Variants in FGF14 observed in about 807,000 individuals in gnomAD.
FGF14 encodes fibroblast growth factor 14.
Under a neutral mutation model 25.5 loss-of-function variants are expected in FGF14, and 5 were observed. That is an observed-to-expected ratio of 0.20 (90% CI 0.10 to 0.41). The LOEUF is 0.41. Among genes scored for constraint, FGF14 ranks in the 10% least tolerant of loss-of-function variants. FGF14 has a pLI of 1.00. For missense variants in FGF14, 222 were observed against 320.1 expected, an observed-to-expected ratio of 0.69 and a Z score of 2.34; for synonymous variants, 138 against 118.3, an observed-to-expected ratio of 1.17 and a Z score of -1.08.
chr13:102,125,174 C>T (rs1345451428), intron 1 of FGF14, among the ~76,000 whole-genome samples: 1 of 152,094 alleles, frequency 6.6e-6, no homozygotes. Flanking sequence ...CAACTTTTCC[C>T]ATATTGCATT....
chr13:102,119,059 CA>C (rs2045600142), intron 1 of FGF14, among the ~76,000 whole-genome samples: 1 of 152,130 alleles, frequency 6.6e-6, no homozygotes, highest in Admixed American at 6.6e-5. Flanking sequence ...ATCTTTATAA[CA>C]GGGGGATCTG....
At chr13:101,729,562 C>A (rs1366226815) in intron 3 of FGF14, among the ~76,000 whole-genome samples, 1 of 152,116 alleles carries the variant, frequency 6.6e-6, no homozygotes, top group Non-Finnish European at 1.5e-5. Flanking sequence ...CTTCAGTTTC[C>A]TCATCTCTAA....
At chr13:102,181,374 C>A (rs1266567755) in intron 1 of FGF14, among the ~76,000 whole-genome samples, 1 of 152,072 alleles carries the variant, frequency 6.6e-6, no homozygotes, top group Non-Finnish European at 1.5e-5. Context: ...TGGGTTGGAC[C>A]ATGTCCCCTA....
intron 3 of FGF14, among the ~76,000 whole-genome samples, chr13:101,844,629 G>A (rs1050959106): frequency 1.3e-5 from 2 of 151,960 alleles, no homozygotes; most frequent in African/African-American, 4.8e-5. Flanking sequence ...AGCATGGGCA[G>A]TGCACTTTTC....
chr13:102,084,094 T>C (rs1241553459), intron 1 of FGF14, among the ~76,000 whole-genome samples: 1 of 151,974 alleles, frequency 6.6e-6, no homozygotes, highest in Non-Finnish European at 1.5e-5. Context: ...CCTCTCATCC[T>C]GGAATGTGCT....
intron 3 of FGF14, among the ~76,000 whole-genome samples, chr13:101,788,939 GAGAGAGAGAC>G (rs574760588): frequency 0.041 from 2,373 of 57,750 alleles, 19 homozygotes; most frequent in East Asian, 0.057. Context: ...GAGAGAGAGA[GAGAGAGAGAC>G]AGAGAGAGAG....
intron 1 of FGF14, among the ~76,000 whole-genome samples, chr13:102,227,893 CCCGCCTTTG>C (rs2050900570): frequency 6.6e-6 from 1 of 152,062 alleles, no homozygotes. Context: ...ACGTAAACCA[CCCGCCTTTG>C]TTTTACATCA....
chr13:102,146,496 T>C (rs913348172), intron 1 of FGF14, among the ~76,000 whole-genome samples: 3 of 152,216 alleles, frequency 2.0e-5, no homozygotes, highest in African/African-American at 7.2e-5. Flanking sequence ...CCAATACTTT[T>C]GAAGCTGCCT....
rs182580663 is a variant in FGF14 at position 101,993,065 on chromosome 13, C to A, written c.209-117769G>T. ...AGAAAAACAAAGAGAAAGAGAAAATCTCAAAAGAAGCCACAGTGGGGAAAA... is the reference window on the plus strand; with the variant it reads ...AGAAAAACAAAGAGAAAGAGAAAATATCAAAAGAAGCCACAGTGGGGAAAA... On this transcript the variant is annotated intron_variant, in intron 1 of 4. Coordinates refer to the FGF14 transcript ENST00000376131. Among the ~76,000 whole-genome samples, 489 of 151,592 alleles carry A rather than the reference C, an allele frequency of 3.2e-3. 9 individuals carry two copies. Among genetic ancestry groups the A allele is most frequent in the East Asian group, 6.4e-3 (33 of 5,146 alleles).
chr13:101,816,583 A>G (rs1200995238), intron 3 of FGF14, among the ~76,000 whole-genome samples: 1 of 152,144 alleles, frequency 6.6e-6, no homozygotes, highest in African/African-American at 2.4e-5. Flanking sequence ...CTTAAGCAGT[A>G]ATTTACTTGG....
At chr13:102,238,772 A>C (rs2141019501) in intron 1 of FGF14, among the ~76,000 whole-genome samples, 1 of 152,370 alleles carries the variant, frequency 6.6e-6, no homozygotes, top group East Asian at 1.9e-4. Context: ...AATGCTATTT[A>C]AACTATTAAA....
At chr13:102,206,840 T>C (rs1594408339) in intron 1 of FGF14, among the ~76,000 whole-genome samples, 6 of 152,286 alleles carry the variant, frequency 3.9e-5, no homozygotes, top group African/African-American at 4.8e-5. Context: ...ACAAGCTAAA[T>C]ATTCTAATCA....
chr13:101,945,192 A>G (rs143107145), intron 1 of FGF14, among the ~76,000 whole-genome samples: 3,008 of 151,978 alleles, frequency 0.02, 116 homozygotes, highest in African/African-American at 0.069. Context: ...GTGGCGCATG[A>G]CTGTAATCCC....
intron 3 of FGF14, among the ~76,000 whole-genome samples, chr13:101,793,476 G>T (rs1302023396): frequency 6.6e-6 from 1 of 152,012 alleles, no homozygotes; most frequent in East Asian, 1.9e-4. Flanking sequence ...ATCTATTTAT[G>T]TGTTGATGGA....
At chr13:102,161,635 AAGAAGAAG>A (rs2047716287) in intron 1 of FGF14, among the ~76,000 whole-genome samples, 1 of 11,402 alleles carries the variant, frequency 8.8e-5, no homozygotes, top group Non-Finnish European at 1.5e-4. Context: ...GAAGAAGAAG[AAGAAGAAG>A]AAGAAGAAGA....
chr13:102,233,433 A>T (rs1328174100), intron 1 of FGF14, among the ~76,000 whole-genome samples: 1 of 126,062 alleles, frequency 7.9e-6, no homozygotes, highest in Non-Finnish European at 1.6e-5. Flanking sequence ...ATCCAGCCTC[A>T]TTTTTTTATT....
At chr13:102,000,191 C>A (rs994690993) in intron 1 of FGF14, among the ~76,000 whole-genome samples, 1 of 152,066 alleles carries the variant, frequency 6.6e-6, no homozygotes, top group Non-Finnish European at 1.5e-5. Context: ...TGGTGGCGGG[C>A]ACCTGTAATC....
chr13:102,235,928 C>T (rs553500432), intron 1 of FGF14, among the ~76,000 whole-genome samples: 2 of 152,296 alleles, frequency 1.3e-5, no homozygotes, highest in South Asian at 4.1e-4. Context: ...AGCAAAAGTC[C>T]TGATGTCCCA....
At chr13:101,990,653 ACAGGCCTGGG>A (rs1292043498) in intron 1 of FGF14, among the ~76,000 whole-genome samples, 1 of 152,102 alleles carries the variant, frequency 6.6e-6, no homozygotes, top group East Asian at 1.9e-4. Context: ...TGGCTCATGC[ACAGGCCTGGG>A]CAGCAGGCTC....
Sources: gnomAD v4.1 joint callset for allele counts (sites outside exome capture counted in the v4.1 genomes callset) on GRCh38, gnomAD v4.1.1 for gene constraint, MANE v1.5 for transcripts, NCBI Gene and HGNC (gene_info 2026-07-23, HGNC 2026-07-21) for gene names.